Variants in MARCHF1 observed in about 807,000 individuals in gnomAD.
MARCHF1 encodes E3 ubiquitin-protein ligase MARCHF1.
MARCHF1 carries 40 observed loss-of-function variants against 54.2 expected under a neutral mutation model. The ratio of observed to expected loss-of-function variants is 0.74; its 90% CI spans 0.57 to 0.96. The LOEUF (loss-of-function observed/expected upper bound fraction) is 0.96, where lower values mean the gene tolerates loss of function less well. Among genes scored for constraint, MARCHF1 ranks in the 40% least tolerant of loss-of-function variants. The pLI, the probability that MARCHF1 is intolerant of heterozygous loss-of-function variation, is 0.00. For missense variants in MARCHF1, 586 were observed against 656.5 expected (o/e 0.89, Z 1.17); for synonymous variants, 236 against 236.3 (o/e 1.00, Z 0.01).
Position 164,129,544 on chromosome 4 carries a change from G to T in MARCHF1, c.-322-17882C>A, listed in dbSNP as rs972331059. 3.9e-5 allele frequency among the ~76,000 whole-genome samples: 6 copies of T among 152,106 alleles called. No homozygotes were observed. In the East Asian group the frequency reaches 7.7e-4, roughly 19 times the overall value. Reference sequence around the variant, plus strand: ...TCAAAAGGGATGGCATAGTCTCAGAGAATTAATCATTGAAGTATATTGCTA... The same window carrying T: ...TCAAAAGGGATGGCATAGTCTCAGATAATTAATCATTGAAGTATATTGCTA... On this transcript the variant is annotated intron_variant, in intron 1 of 9. Coordinates refer to ENST00000514618, the MANE Select transcript of MARCHF1 (RefSeq NM_001394959.1).
At chr4:163,656,353 C>G (rs1220417583) in intron 5 of MARCHF1, among the ~76,000 whole-genome samples, 2 of 151,802 alleles carry the variant, frequency 1.3e-5, no homozygotes, top group Non-Finnish European at 2.9e-5. Flanking sequence ...AAGACTGAAC[C>G]AGGAAGAAGT....
At chr4:164,340,230 T>A in intron 1 of MARCHF1, among the ~76,000 whole-genome samples, 1 of 149,442 alleles carries the variant, frequency 6.7e-6, no homozygotes. Flanking sequence ...ACTTCCAAAC[T>A]CATTTTTCTT....
At chr4:163,801,009 A>G (rs1748067863) in intron 4 of MARCHF1, among the ~76,000 whole-genome samples, 2 of 152,120 alleles carry the variant, frequency 1.3e-5, no homozygotes, top group Admixed American at 6.6e-5. Flanking sequence ...ATGAACTGAA[A>G]TACTCATGGG....
chr4:164,181,466 AT>A (rs1056997180), intron 1 of MARCHF1, among the ~76,000 whole-genome samples: 3 of 152,168 alleles, frequency 2.0e-5, no homozygotes, highest in African/African-American at 7.2e-5. Context: ...ACTACAACTA[AT>A]TTCACGCTAG....
At chr4:163,884,885 A>T (rs183909170) in intron 3 of MARCHF1, among the ~76,000 whole-genome samples, 1 of 152,282 alleles carries the variant, frequency 6.6e-6, no homozygotes, top group East Asian at 1.9e-4. Flanking sequence ...ACATACCAAA[A>T]ATACTTCAAA....
intron 1 of MARCHF1, among the ~76,000 whole-genome samples, chr4:164,244,197 A>G (rs1237410127): frequency 1.3e-5 from 2 of 152,024 alleles, no homozygotes; most frequent in Middle Eastern, 3.4e-3. Context: ...AATTGACCAT[A>G]TACTGGGAAG....
chr4:164,342,195 A>C (rs1185573839), intron 1 of MARCHF1, among the ~76,000 whole-genome samples: 4 of 152,310 alleles, frequency 2.6e-5, no homozygotes, highest in African/African-American at 9.6e-5. Context: ...CCAACAAGTA[A>C]ATTAAAAGAT....
At chr4:163,692,254 G>T (rs560914999) in intron 5 of MARCHF1, among the ~76,000 whole-genome samples, 1 of 152,240 alleles carries the variant, frequency 6.6e-6, no homozygotes, top group South Asian at 2.1e-4. Flanking sequence ...CTTGAGTGAA[G>T]AAATAGTTAT....
chr4:164,233,439 C>G (rs1732469097), intron 1 of MARCHF1, among the ~76,000 whole-genome samples: 1 of 152,148 alleles, frequency 6.6e-6, no homozygotes, highest in African/African-American at 2.4e-5. Context: ...GATATTGCCA[C>G]TGACTAAAAT....
intron 1 of MARCHF1, among the ~76,000 whole-genome samples, chr4:164,321,124 CCAATAA>C (rs1450926083): frequency 2.0e-5 from 3 of 152,084 alleles, no homozygotes; most frequent in Non-Finnish European, 4.4e-5. Context: ...CTAAAACAGT[CCAATAA>C]CTGACAGAGA....
At chr4:164,242,040 G>C (rs566145686) in intron 1 of MARCHF1, among the ~76,000 whole-genome samples, 353 of 152,312 alleles carry the variant, frequency 2.3e-3, no homozygotes, top group African/African-American at 7.8e-3. Flanking sequence ...AGGCGGCAGC[G>C]AGGCAGGGGG....
At chr4:164,302,262 C>T (rs567793341) in intron 1 of MARCHF1, among the ~76,000 whole-genome samples, 1 of 152,128 alleles carries the variant, frequency 6.6e-6, no homozygotes, top group Non-Finnish European at 1.5e-5. Flanking sequence ...CATTGGGCTT[C>T]TTATGGGCTA....
chr4:163,986,601 A>G (rs1287245466), intron 3 of MARCHF1, among the ~76,000 whole-genome samples: 1 of 152,086 alleles, frequency 6.6e-6, no homozygotes, highest in East Asian at 1.9e-4. Flanking sequence ...ACTAACTCCC[A>G]TTGTGACACA....
chr4:164,160,671 A>G (rs945635045), intron 1 of MARCHF1, among the ~76,000 whole-genome samples: 1 of 152,212 alleles, frequency 6.6e-6, no homozygotes, highest in Non-Finnish European at 1.5e-5. Flanking sequence ...ATGATACAAT[A>G]TTAATGTATG....
chr4:164,303,526 T>C (rs1432854772), intron 1 of MARCHF1, among the ~76,000 whole-genome samples: 1 of 152,198 alleles, frequency 6.6e-6, no homozygotes, highest in East Asian at 1.9e-4. Context: ...AAGGAATGAA[T>C]GAGATTGTGT....
chr4:163,565,744 C>G (rs1458161955), intron 8 of MARCHF1, among the ~76,000 whole-genome samples: 2 of 152,136 alleles, frequency 1.3e-5, no homozygotes, highest in African/African-American at 4.8e-5. Context: ...CTCTGAAAGT[C>G]GATCCTGCTA....
At chr4:164,278,896 G>A (rs780239521) in intron 1 of MARCHF1, among the ~76,000 whole-genome samples, 2 of 152,014 alleles carry the variant, frequency 1.3e-5, no homozygotes, top group African/African-American at 2.4e-5. Flanking sequence ...AGTTAAGAAT[G>A]ATAAAAATAA....
chr4:164,014,296 T>C (rs2110950594), intron 2 of MARCHF1, among the ~76,000 whole-genome samples: 1 of 152,248 alleles, frequency 6.6e-6, no homozygotes, highest in Admixed American at 6.5e-5. Context: ...TTTGCTTTTT[T>C]CCCTTTCTTT....
chr4:164,151,062 G>A (rs187619409), intron 1 of MARCHF1, among the ~76,000 whole-genome samples: 95 of 152,284 alleles, frequency 6.2e-4, no homozygotes, highest in African/African-American at 2.0e-3. Context: ...AAAAGGAAAG[G>A]AGATAGATTC....
Sources: gnomAD v4.1 joint callset for allele counts (sites outside exome capture counted in the v4.1 genomes callset) on GRCh38, gnomAD v4.1.1 for gene constraint, MANE v1.5 for transcripts, NCBI Gene and HGNC (gene_info 2026-07-23, HGNC 2026-07-21) for gene names.